The following LRRC57 variants were observed in gnomAD, a reference collection of about 807,000 sequenced individuals.
LRRC57 encodes leucine-rich repeat-containing protein 57.
A neutral mutation model predicts 23.1 loss-of-function variants in LRRC57; 14 were observed. That is an observed-to-expected ratio of 0.61 (90% confidence interval 0.40 to 0.95). LRRC57 has a LOEUF of 0.95. Ranked by LOEUF, LRRC57 falls within the 40% of genes least tolerant of loss-of-function variation. The pLI, the probability that LRRC57 is intolerant of heterozygous loss-of-function variation, is 0.00. For synonymous variants in LRRC57, 106 were observed against 115.2 expected (o/e 0.92, Z 0.51); for missense variants, 236 against 284.4 (o/e 0.83, Z 1.22).
rs188040203 is a variant in LRRC57, at chr15:42,548,697, C to T, written c.-27G>A. 2,069 of 626,996 alleles carry T rather than the reference C, an allele frequency of 3.3e-3. 26 individuals carry two copies. In the African/African-American group the frequency reaches 0.035, roughly 10 times the overall value. The allele number at this position is 626,996 out of a possible 1,614,324, so 38.8% of individuals were successfully genotyped here. On this transcript the variant is annotated 5_prime_UTR_variant, in exon 1 of 6. Coordinates refer to ENST00000397130, the MANE Select transcript of LRRC57 (RefSeq NM_153260.3). ...ATCAGGGAGCCCCGGACTCGCCTCC[C>T]ACCGCTCAGCTGCCGTAAGGCTCCG...
chr15:42,548,576 G>C, intron 1 of LRRC57, 117 bp downstream of exon 1: 1 of 775,096 alleles, frequency 1.3e-6, no homozygotes, highest in Non-Finnish European at 2.0e-6. Context: ...ACCCAAGAGC[G>C]ACAAGGAAGA....
rs1003708139 is a variant in LRRC57 at position 42,548,761 on chromosome 15, T to A, written c.-91A>T. On this transcript the variant is annotated 5_prime_UTR_variant, in exon 1 of 6. Coordinates refer to ENST00000397130, the MANE Select transcript of LRRC57 (RefSeq NM_153260.3). ...AGGACCCGCAGTAGCCGGGATGCGC[T>A]CCCCGGCTTAGTCCCGGGCGGGAAC... 2.5e-5 allele frequency: 19 copies of A among 769,290 alleles called. No homozygotes were observed. The highest frequency in any genetic ancestry group is 3.8e-4 in the Middle Eastern group (1 of 2,648). 47.7% of individuals were successfully genotyped at this position (769,290 alleles called of 1,614,324 possible). A position where few individuals can be genotyped will look rare whatever the true frequency, so the allele number is the denominator to read the frequency against.
At position 42,542,454 on chromosome 15, in the gene LRRC57, AATCT is replaced by A. The variant is rs1346402386; in HGVS notation, c.*1625_*1628del. On this transcript the variant is annotated 3_prime_UTR_variant, in exon 6 of 6. Coordinates refer to ENST00000397130, the MANE Select transcript of LRRC57 (RefSeq NM_153260.3). Reference sequence around the variant, plus strand: ...ACATAAGCATGAAACATGTCTTCCTAATCTATTTATAGGTTTAAGTTCTCCTGTC... The same window carrying A: ...ACATAAGCATGAAACATGTCTTCCTAATTTATAGGTTTAAGTTCTCCTGTC... 2 of 152,294 alleles carry A rather than the reference AATCT, an allele frequency of 1.3e-5. No homozygotes were observed. The highest frequency in any genetic ancestry group is 4.8e-5 in the African/African-American group (2 of 41,450). 9.4% of individuals were successfully genotyped at this position (152,294 alleles called of 1,614,324 possible).
At position 42,538,888 on chromosome 15, in the gene LRRC57, A is replaced by T. The variant is rs2057613776; in HGVS notation, c.*5195T>A. 1 of 152,222 alleles carries T rather than the reference A, an allele frequency of 6.6e-6. No individual in the cohort carries two copies. The highest frequency in any genetic ancestry group is 1.5e-5 in the Non-Finnish European group (1 of 68,056). The allele number at this position is 152,222 out of a possible 1,614,324, so 9.4% of individuals were successfully genotyped here. A position where few individuals can be genotyped will look rare whatever the true frequency, so the allele number is the denominator to read the frequency against. On this transcript the variant is annotated 3_prime_UTR_variant, in exon 6 of 6. Transcript: ENST00000397130. The stretch of plus-strand genomic sequence containing the variant: ...TTGCCTTCCAAACCAAGCTGTAAAA[A>T]ATTTGGGTGACTTGGGCCAGATGTG...
chr15:42,528,501 C>A, the LRRC57 span: 1 of 1,252,550 alleles, frequency 8.0e-7, no homozygotes, highest in Non-Finnish European at 1.1e-6. Context: ...GTACATGACC[C>A]CTAATAAAAC....
rs1304303468 is a variant in LRRC57 at position 42,537,892 on chromosome 15, G to A, written c.*6191C>T. ...GAGAGTAGAATGATAGTTACCAGAGGCTGGGTAGTGGGTGTACAGGGTGGG... is the reference window on the plus strand; with the variant it reads ...GAGAGTAGAATGATAGTTACCAGAGACTGGGTAGTGGGTGTACAGGGTGGG... On this transcript the variant is annotated 3_prime_UTR_variant, in exon 6 of 6. Coordinates refer to ENST00000397130, the MANE Select transcript of LRRC57 (RefSeq NM_153260.3). The A allele has an allele frequency of 1.3e-5, 2 of 152,164 alleles. No homozygotes were observed. Among genetic ancestry groups the A allele is most frequent in the African/African-American group, 4.8e-5 (2 of 41,438 alleles). 9.4% of individuals were successfully genotyped at this position (152,164 alleles called of 1,614,324 possible).
Position 42,544,842 on chromosome 15 carries a change from C to CAATATATATATATATATATA in LRRC57, c.678+234_678+235insTATATATATATATATATATT. 1.2e-3 allele frequency among the ~76,000 whole-genome samples: 114 copies of CAATATATATATATATATATA among 97,914 alleles called. 5 individuals are homozygous for CAATATATATATATATATATA. The highest frequency in any genetic ancestry group is 4.7e-3 in the Middle Eastern group (1 of 214). 64.2% of individuals were successfully genotyped at this position (97,914 alleles called of 152,430 possible). A position where few individuals can be genotyped will look rare whatever the true frequency, so the allele number is the denominator to read the frequency against. On this transcript the variant is annotated intron_variant, in intron 5 of 5. Coordinates refer to ENST00000397130, the MANE Select transcript of LRRC57 (RefSeq NM_153260.3). ...ACACACACACACACACACACACACA[C>CAATATATATATATATATATA]TATATATATATATATATCAAAAGAC...
chr15:42,544,850 A>ATATATATATATATATATATATG (rs1410766587), intron 5 of LRRC57, among the ~76,000 whole-genome samples: 1 of 144,750 alleles, frequency 6.9e-6, no homozygotes, highest in African/African-American at 2.8e-5. Context: ...CACTATATAT[A>ATATATATATATATATATATATG]TATATATATC....
chr15:42,528,889 C>G, the LRRC57 span, among the ~76,000 whole-genome samples: 1 of 152,128 alleles, frequency 6.6e-6, no homozygotes, highest in Non-Finnish European at 1.5e-5. Flanking sequence ...CCTGGCCAGA[C>G]AAAATGTTGA....
At position 42,540,288 on chromosome 15, in the gene LRRC57, T is replaced by A. The variant is rs2057622331; in HGVS notation, c.*3795A>T. 1 of 151,900 alleles carries A rather than the reference T, an allele frequency of 6.6e-6. No individual in the cohort carries two copies. The allele number at this position is 151,900 out of a possible 1,614,324, so 9.4% of individuals were successfully genotyped here. On this transcript the variant is annotated 3_prime_UTR_variant, in exon 6 of 6. Transcript: ENST00000397130. ...CCACATCTGTGGATTCAACTGCAGG[T>A]CAGAAATATTTGAGCGGGAAAATGC...
intron 5 of LRRC57, among the ~76,000 whole-genome samples, chr15:42,544,840 C>T (rs59156541): frequency 0.12 from 12,313 of 106,092 alleles, 944 homozygotes; most frequent in African/African-American, 0.23. Flanking sequence ...CACACACACA[C>T]ACTATATATA....
At chr15:42,532,653 T>A in the LRRC57 span, 1 of 152,666 alleles carries the variant, frequency 6.6e-6, no homozygotes, top group East Asian at 1.9e-4. Context: ...TTGGAAAAGT[T>A]TGACAAAGCA....
downstream of LRRC57, among the ~76,000 whole-genome samples, chr15:42,537,496 T>G (rs1371585026): frequency 6.6e-6 from 1 of 151,972 alleles, no homozygotes; most frequent in African/African-American, 2.4e-5. Flanking sequence ...CTCAGAAAAC[T>G]AAAAATGGAA....
At chr15:42,548,077 A>G (rs758377246) in intron 3 of LRRC57, 29 bp downstream of exon 3, 1 of 1,613,088 alleles carries the variant, frequency 6.2e-7, no homozygotes, top group Non-Finnish European at 8.5e-7. Flanking sequence ...GCTGATCACT[A>G]GCAAAAGCCT....
At chr15:42,545,312 T>C in intron 4 of LRRC57, 50 bp from the exon 5 acceptor site, 1 of 1,332,318 alleles carries the variant, frequency 7.5e-7, no homozygotes, top group Non-Finnish European at 1.0e-6. Flanking sequence ...AGCACTATAC[T>C]GGTTACTTTT....
Position 42,548,765 on chromosome 15 carries a change from C to A in LRRC57, c.-95G>T, listed in dbSNP as rs566081936. ...CCCGCAGTAGCCGGGATGCGCTCCC[C>A]GGCTTAGTCCCGGGCGGGAACGCCC... On this transcript the variant is annotated 5_prime_UTR_variant, in exon 1 of 6. Coordinates refer to ENST00000397130, the MANE Select transcript of LRRC57 (RefSeq NM_153260.3). The A allele has an allele frequency of 5.0e-4, 398 of 798,728 alleles. 2 individuals are homozygous for A. Among genetic ancestry groups the A allele is most frequent in the Non-Finnish European group, 7.5e-4 (381 of 506,530 alleles). 49.5% of individuals were successfully genotyped at this position (798,728 alleles called of 1,614,324 possible).
Position 42,548,159 on chromosome 15 carries a change from A to G in LRRC57, c.170T>C (p.Leu57Pro). The change falls in exon 3 of 6, where the codon CTG (leucine) becomes CCG (proline). Residue 57 changes from leucine to proline, a missense_variant. By Grantham distance (98) the Leu-to-Pro change is moderately conservative. Transcript: ENST00000397130. ...CTTCAGCAGAGTGAACTTTCCTATC[A>G]GCAAAGGCGGTAGGCTTTCGATCTT... is the stretch of plus-strand genomic sequence containing the variant. ...NNKIESLPPL[L>P]IGKFTLLKSL... is the part of the protein sequence containing the mutation. 6.2e-7 allele frequency: 1 copy of G among 1,614,228 alleles called. No individual in the cohort carries two copies. The highest frequency in any genetic ancestry group is 8.5e-7 in the Non-Finnish European group (1 of 1,180,028).
chr15:42,535,280 C>T (rs1310095569), downstream of LRRC57, among the ~76,000 whole-genome samples: 2 of 152,180 alleles, frequency 1.3e-5, no homozygotes, highest in Non-Finnish European at 2.9e-5. Flanking sequence ...GGGTAACTTC[C>T]AACTTTTCTT....
Position 42,538,564 on chromosome 15 carries a change from T to G in LRRC57, c.*5519A>C, listed in dbSNP as rs2057612155. On this transcript the variant is annotated 3_prime_UTR_variant, in exon 6 of 6. Coordinates refer to ENST00000397130, the MANE Select transcript of LRRC57 (RefSeq NM_153260.3). ...GCCTGCCTCTGCCTGGCTCCATTTT[T>G]TTATCCTTTTAATGTAGTGTCCACT... The G allele has an allele frequency of 1.3e-5, 2 of 152,122 alleles. No individual in the cohort carries two copies. Among genetic ancestry groups the G allele is most frequent in the Non-Finnish European group, 2.9e-5 (2 of 68,040 alleles). 9.4% of individuals were successfully genotyped at this position (152,122 alleles called of 1,614,324 possible). A position where few individuals can be genotyped will look rare whatever the true frequency, so the allele number is the denominator to read the frequency against.
Sources: gnomAD v4.1 joint callset for allele counts (sites outside exome capture counted in the v4.1 genomes callset) on GRCh38, gnomAD v4.1.1 for gene constraint, MANE v1.5 for transcripts, NCBI Gene and HGNC (gene_info 2026-07-23, HGNC 2026-07-21) for gene names.